The following CDC73 variants were observed in gnomAD, a reference collection of about 807,000 sequenced individuals.
CDC73 encodes parafibromin.
A neutral mutation model predicts 83.7 loss-of-function variants in CDC73; 21 were observed. The observed-to-expected ratio is 0.25, with a 90% confidence interval of 0.18 to 0.36. The LOEUF is 0.36. CDC73 is among the 10% of genes least tolerant of loss of function. The pLI, the probability that CDC73 is intolerant of heterozygous loss-of-function variation, is 1.00. For missense variants in CDC73, 342 were observed against 653.3 expected (o/e 0.52, Z 5.19); for synonymous variants, 224 against 212.9 (o/e 1.05, Z -0.45).
rs746673079 is a variant in CDC73 at position 193,181,230 on chromosome 1, G to A, written c.973-22565G>A. On this transcript the variant is annotated intron_variant, in intron 10 of 16. Transcript: ENST00000367435. ...CATTGGCACTAAGTGTATTCTCCAG[G>A]CCTGTAACTCCTTGTGGTGACAGGT... 46 of 1,613,882 alleles carry A rather than the reference G, an allele frequency of 2.9e-5. No homozygotes were observed. Among genetic ancestry groups the A allele is most frequent in the Middle Eastern group, 1.6e-4 (1 of 6,084 alleles).
intron 13 of CDC73, among the ~76,000 whole-genome samples, chr1:193,215,577 A>AACC (rs1677353063): frequency 6.6e-6 from 1 of 151,922 alleles, no homozygotes. Context: ...TGGGCAAAGA[A>AACC]TGAAATTAAC....
chr1:193,146,527 C>T (rs970785751), intron 7 of CDC73, among the ~76,000 whole-genome samples: 12 of 149,842 alleles, frequency 8.0e-5, no homozygotes, highest in African/African-American at 2.9e-4. Flanking sequence ...GCAAATGAGA[C>T]ACAGAGAGAA....
chr1:193,224,873 C>A (rs1390235738), intron 13 of CDC73, among the ~76,000 whole-genome samples: 1 of 151,060 alleles, frequency 6.6e-6, no homozygotes, highest in South Asian at 2.1e-4. Flanking sequence ...CTAAATTTAT[C>A]TTCTTACCTT....
chr1:193,128,273 C>G (rs1348634378), intron 2 of CDC73: 4 of 152,040 alleles, frequency 2.6e-5, no homozygotes, highest in Admixed American at 2.0e-4. Context: ...TTATGATATT[C>G]CATATAGACT....
At chr1:193,171,424 G>A (rs1285421941) in intron 10 of CDC73, among the ~76,000 whole-genome samples, 2 of 152,268 alleles carry the variant, frequency 1.3e-5, no homozygotes, top group East Asian at 1.9e-4. Context: ...CTTAGGGGAA[G>A]GACCCACTTC....
At chr1:193,184,639 A>G (rs1258177659) in intron 10 of CDC73, among the ~76,000 whole-genome samples, 6 of 151,934 alleles carry the variant, frequency 3.9e-5, no homozygotes, top group Non-Finnish European at 5.9e-5. Context: ...AGAAAAACTT[A>G]CACTTTTGTT....
At chr1:193,162,352 A>G (rs1251635316) in intron 10 of CDC73, among the ~76,000 whole-genome samples, 1 of 138,478 alleles carries the variant, frequency 7.2e-6, no homozygotes, top group Non-Finnish European at 1.5e-5. Flanking sequence ...ATATATACAT[A>G]TATATTATAT....
rs146795905 is a variant in CDC73, at chr1:193,144,255, C to T, written c.729+2189C>T. 1.1e-3 allele frequency among the ~76,000 whole-genome samples: 162 copies of T among 151,594 alleles called. 1 individual carries two copies. The highest frequency in any genetic ancestry group is 5.2e-3 in the South Asian group (25 of 4,808). On this transcript the variant is annotated intron_variant, in intron 7 of 16. Transcript: ENST00000367435. ...ACATAAATTAGGTGAAAGGTTTATA[C>T]GATCTGAAGAGAAACATGTATAAAC...
chr1:193,208,968 A>G (rs909987041), intron 11 of CDC73, among the ~76,000 whole-genome samples: 4 of 151,624 alleles, frequency 2.6e-5, no homozygotes, highest in African/African-American at 9.8e-5. Context: ...TCTAAAGGAC[A>G]CTTTTCTGCC....
chr1:193,131,290 G>A (rs1675689120), intron 3 of CDC73, among the ~76,000 whole-genome samples: 1 of 152,212 alleles, frequency 6.6e-6, no homozygotes, highest in South Asian at 2.1e-4. Context: ...TCTTCCTGCA[G>A]TTGCTTAGGC....
At chr1:193,201,415 A>G (rs144480526) in intron 10 of CDC73, among the ~76,000 whole-genome samples, 33 of 152,296 alleles carry the variant, frequency 2.2e-4, no homozygotes, top group African/African-American at 7.5e-4. Flanking sequence ...CTTTCTGCCA[A>G]TGCATTTTCT....
chr1:193,169,569 T>TAAAAAAAAAAAAAAAAAAAAAAAAAA (rs1676487159), intron 10 of CDC73, among the ~76,000 whole-genome samples: 1 of 152,066 alleles, frequency 6.6e-6, no homozygotes, highest in African/African-American at 2.4e-5. Flanking sequence ...AATAAATTTG[T>TAAAAAAAAAAAAAAAAAAAAAAAAAA]AAGAATGGAG....
At chr1:193,124,705 T>C (rs1461398325) in intron 1 of CDC73, among the ~76,000 whole-genome samples, 2 of 152,222 alleles carry the variant, frequency 1.3e-5, no homozygotes, top group Non-Finnish European at 2.9e-5. Flanking sequence ...CAGTATCTTA[T>C]TTATCAAGAG....
intron 13 of CDC73, among the ~76,000 whole-genome samples, chr1:193,229,797 C>T (rs1677627322): frequency 6.6e-6 from 1 of 152,062 alleles, no homozygotes; most frequent in Non-Finnish European, 1.5e-5. Flanking sequence ...ATGAAAGAAG[C>T]CAGGTACAAA....
At chr1:193,234,202 CACACACACACACACACACAT>C (rs1479332911) in intron 14 of CDC73, among the ~76,000 whole-genome samples, 7 of 49,306 alleles carry the variant, frequency 1.4e-4, no homozygotes, top group Admixed American at 5.0e-4. Flanking sequence ...CACACACACA[CACACACACACACACACACAT>C]ATATATATTT....
At chr1:193,147,771 A>G (rs554539348) in intron 7 of CDC73, 96 bp from the exon 8 acceptor site, 1 of 759,820 alleles carries the variant, frequency 1.3e-6, no homozygotes, top group South Asian at 1.5e-5. Flanking sequence ...TGTAGTAGGG[A>G]AGAATCGATA....
intron 15 of CDC73, among the ~76,000 whole-genome samples, chr1:193,238,200 CT>C (rs1677796426): frequency 6.6e-6 from 1 of 152,042 alleles, no homozygotes. Flanking sequence ...TCTCTTTCAC[CT>C]GTTCCTTCTA....
chr1:193,201,744 T>A (rs1254561596), intron 10 of CDC73, among the ~76,000 whole-genome samples: 15 of 152,178 alleles, frequency 9.9e-5, no homozygotes, highest in Admixed American at 9.8e-4. Flanking sequence ...AAAGGTTTTT[T>A]TTTCCATATT....
chr1:193,163,458 G>A lies in CDC73; in HGVS notation c.972+11014G>A, dbSNP rs556542903. Among the ~76,000 whole-genome samples the A allele has an allele frequency of 2.3e-3, 352 of 152,230 alleles. 1 individual carries two copies. Among genetic ancestry groups the A allele is most frequent in the Non-Finnish European group, 4.2e-3 (283 of 68,010 alleles). On this transcript the variant is annotated intron_variant, in intron 10 of 16. Transcript: ENST00000367435. ...GGAGGTCAAGGCTGTAGTGAGCCATGATTGCGCCACCACACTCCAGCGTGG... is the reference window on the plus strand; with the variant it reads ...GGAGGTCAAGGCTGTAGTGAGCCATAATTGCGCCACCACACTCCAGCGTGG...
Sources: gnomAD v4.1 joint callset for allele counts (sites outside exome capture counted in the v4.1 genomes callset) on GRCh38, gnomAD v4.1.1 for gene constraint, MANE v1.5 for transcripts, NCBI Gene and HGNC (gene_info 2026-07-23, HGNC 2026-07-21) for gene names.